PRKAR1B: variants seen among roughly 807,000 people sequenced by gnomAD.
PRKAR1B encodes the protein protein kinase cAMP-dependent type I regulatory subunit beta, also known as cAMP-dependent protein kinase type I-beta regulatory subunit.
PRKAR1B carries 22 observed loss-of-function variants against 46.5 expected under a neutral mutation model. That is an observed-to-expected ratio of 0.47 (90% CI 0.34 to 0.68). PRKAR1B has a LOEUF of 0.68. Among genes scored for constraint, PRKAR1B ranks in the 30% least tolerant of loss-of-function variants. The pLI, the probability that PRKAR1B is intolerant of heterozygous loss-of-function variation, is 0.01. For missense variants in PRKAR1B, 445 were observed against 535.6 expected (o/e 0.83, Z 1.67); for synonymous variants, 259 against 217.7 (o/e 1.19, Z -1.67).
intron 4 of PRKAR1B, among the ~76,000 whole-genome samples, chr7:647,132 G>A (rs560172845): frequency 3.3e-5 from 5 of 152,170 alleles, no homozygotes; most frequent in Non-Finnish European, 5.9e-5. Context: ...CCTACAGGGC[G>A]CCCAAACTCT....
rs1292714367 is a variant in PRKAR1B, at chr7:551,472, T to C, written c.892-2A>G. ...GCGCTGCAGCACGGACGCGGTGCCCTGTGGGTGGAGGTGGACAGACGTGAG... is the reference window on the plus strand; with the variant it reads ...GCGCTGCAGCACGGACGCGGTGCCCCGTGGGTGGAGGTGGACAGACGTGAG... On this transcript the variant is annotated splice_acceptor_variant, in intron 9 of 10. Coordinates refer to ENST00000537384, the MANE Select transcript of PRKAR1B (RefSeq NM_001164760.2). LOFTEE classifies it high-confidence loss of function. 1 of 1,553,176 alleles carries C rather than the reference T, an allele frequency of 6.4e-7. No individual in the cohort carries two copies. Among genetic ancestry groups the C allele is most frequent in the Non-Finnish European group, 8.7e-7 (1 of 1,148,128 alleles).
rs542009570 is a variant in PRKAR1B at position 691,256 on chromosome 7, C to T, written c.178-10530G>A. On this transcript the variant is annotated intron_variant, in intron 2 of 10. Transcript: ENST00000537384. ...TGCAAATCCTACCCGAAGGGTCCCG[C>T]GCCCACCCAAACTCGCCAGTGGAAA... Among the ~76,000 whole-genome samples, 19 of 152,336 alleles carry T rather than the reference C, an allele frequency of 1.2e-4. No individual in the cohort carries two copies. The South Asian group carries it at 3.5e-3, about 28-fold the overall frequency.
chr7:558,123 G>A (rs1358627929), intron 9 of PRKAR1B, among the ~76,000 whole-genome samples: 2 of 151,672 alleles, frequency 1.3e-5, no homozygotes, highest in Non-Finnish European at 2.9e-5. Flanking sequence ...AGACCAGCCT[G>A]GGCAACATAG....
intron 4 of PRKAR1B, among the ~76,000 whole-genome samples, chr7:640,024 G>A (rs532969401): frequency 4.0e-5 from 6 of 151,626 alleles, no homozygotes; most frequent in South Asian, 2.1e-4. Context: ...TTAGCCAGGC[G>A]TGGTGGCATG....
At chr7:577,619 G>A (rs1045474284) in intron 9 of PRKAR1B, among the ~76,000 whole-genome samples, 2 of 152,168 alleles carry the variant, frequency 1.3e-5, no homozygotes, top group Non-Finnish European at 2.9e-5. Context: ...AGAGCCTCCG[G>A]ACGACGGACG....
At chr7:568,412 G>C (rs1272185444) in intron 9 of PRKAR1B, among the ~76,000 whole-genome samples, 1 of 152,232 alleles carries the variant, frequency 6.6e-6, no homozygotes. Flanking sequence ...GAATCAGAGA[G>C]ACATGCGTGG....
chr7:696,395 C>G (rs1779740872), intron 2 of PRKAR1B, among the ~76,000 whole-genome samples: 1 of 152,132 alleles, frequency 6.6e-6, no homozygotes, highest in African/African-American at 2.4e-5. Flanking sequence ...CCTCAGCCTC[C>G]CGAGTAGCTG....
intron 4 of PRKAR1B, among the ~76,000 whole-genome samples, chr7:670,747 C>T (rs913539923): frequency 4.1e-5 from 6 of 147,282 alleles, no homozygotes; most frequent in Non-Finnish European, 6.0e-5. Context: ...GGACGGCCCC[C>T]GAGCTCCCCC....
chr7:686,887 G>A (rs1779123598), intron 2 of PRKAR1B, among the ~76,000 whole-genome samples: 1 of 152,108 alleles, frequency 6.6e-6, no homozygotes, highest in Non-Finnish European at 1.5e-5. Flanking sequence ...GATCAAAACT[G>A]GAACTTATGG....
At chr7:572,279 T>C (rs1380605749) in intron 9 of PRKAR1B, among the ~76,000 whole-genome samples, 5 of 152,174 alleles carry the variant, frequency 3.3e-5, no homozygotes, top group African/African-American at 9.7e-5. Flanking sequence ...TCCAGTCTGC[T>C]GAGAATATTT....
chr7:693,540 T>C (rs919422559), intron 2 of PRKAR1B, among the ~76,000 whole-genome samples: 24 of 152,320 alleles, frequency 1.6e-4, no homozygotes, highest in African/African-American at 5.5e-4. Context: ...TCACTGGCAT[T>C]ACGTGTCCCA....
intron 4 of PRKAR1B, among the ~76,000 whole-genome samples, chr7:656,876 G>A (rs552601556): frequency 3.1e-4 from 47 of 151,134 alleles, no homozygotes; most frequent in African/African-American, 1.1e-3. Flanking sequence ...TGGGTGAACA[G>A]ATGAATGGAT....
chr7:632,615 A>G (rs1284725709), intron 4 of PRKAR1B, among the ~76,000 whole-genome samples: 1 of 152,232 alleles, frequency 6.6e-6, no homozygotes, highest in African/African-American at 2.4e-5. Context: ...CCAGGCCTTC[A>G]GGACACTGCG....
intron 9 of PRKAR1B, among the ~76,000 whole-genome samples, chr7:561,033 C>CACAT (rs1270295753): frequency 1.3e-5 from 2 of 152,118 alleles, no homozygotes; most frequent in Admixed American, 6.5e-5. Context: ...TGTGAACACA[C>CACAT]ACACATACAC....
intron 4 of PRKAR1B, among the ~76,000 whole-genome samples, chr7:612,547 ATGGATGGATGGACAGG>A (rs1364296357): frequency 6.6e-6 from 1 of 152,096 alleles, no homozygotes; most frequent in Admixed American, 6.5e-5. Flanking sequence ...GGATGGATAG[ATGGATGGATGGACAGG>A]TGGATGGACC....
At chr7:598,530 A>G (rs1289274640) in intron 6 of PRKAR1B, among the ~76,000 whole-genome samples, 11 of 83,896 alleles carry the variant, frequency 1.3e-4, no homozygotes, top group African/African-American at 5.0e-4. Flanking sequence ...AAACACCATC[A>G]CCCTCCAGCA....
At position 593,227 on chromosome 7, in the gene PRKAR1B, G is replaced by T. The variant is rs142211766; in HGVS notation, c.708+2919C>A. ...TCAGACACTCTGGGATCCTAAACTG[G>T]AGTCAGCGTTCACATTTTGGGCGGT... On this transcript the variant is annotated intron_variant, in intron 7 of 10. Transcript: ENST00000537384. The surrounding 1 kb of genome is among the most constrained non-coding windows in gnomAD (Gnocchi z 6.1). Among the ~76,000 whole-genome samples the T allele has an allele frequency of 1.3e-5, 2 of 152,098 alleles. No homozygotes were observed. The highest frequency in any genetic ancestry group is 2.9e-5 in the Non-Finnish European group (2 of 68,024).
intron 1 of PRKAR1B, among the ~76,000 whole-genome samples, chr7:721,024 G>A (rs1781053268): frequency 6.6e-6 from 1 of 152,130 alleles, no homozygotes; most frequent in Non-Finnish European, 1.5e-5. Context: ...ATACCTGAAT[G>A]TTTTTTAGAA....
intron 4 of PRKAR1B, among the ~76,000 whole-genome samples, chr7:657,688 G>T (rs1419319438): frequency 6.6e-6 from 1 of 152,178 alleles, no homozygotes; most frequent in Non-Finnish European, 1.5e-5. Flanking sequence ...CTGTTCCTGG[G>T]AGTCAAAGCA....
Sources: gnomAD v4.1 joint callset for allele counts (sites outside exome capture counted in the v4.1 genomes callset) on GRCh38, gnomAD v4.1.1 for gene constraint, Gnocchi (gnomAD v3.1) non-coding constraint, MANE v1.5 for transcripts, NCBI Gene and HGNC (gene_info 2026-07-23, HGNC 2026-07-21) for gene names.